GRK3: variants seen among roughly 807,000 people sequenced by gnomAD.
The protein encoded by GRK3 is G protein-coupled receptor kinase 3.
GRK3 carries 54 observed loss-of-function variants against 95.7 expected under a neutral mutation model. The observed-to-expected ratio is 0.56, with a 90% CI of 0.45 to 0.71. GRK3 has a LOEUF of 0.71. Ranked by LOEUF, GRK3 falls within the 30% of genes least tolerant of loss-of-function variation. The pLI is 0.00. For synonymous variants in GRK3, 281 were observed against 290.8 expected, an observed-to-expected ratio of 0.97 and a Z score of 0.34; for missense variants, 649 against 851.2, an observed-to-expected ratio of 0.76 and a Z score of 2.96.
At chr22:25,610,435 C>G (rs549555453) in intron 2 of GRK3, among the ~76,000 whole-genome samples, 1 of 152,236 alleles carries the variant, frequency 6.6e-6, no homozygotes, top group South Asian at 2.1e-4. Flanking sequence ...TCACGGCTGT[C>G]CAGCTTGGGC....
intron 1 of GRK3, among the ~76,000 whole-genome samples, chr22:25,569,087 T>C (rs1469189223): frequency 2.6e-5 from 4 of 152,232 alleles, no homozygotes; most frequent in Admixed American, 6.5e-5. Flanking sequence ...CTCCTCTCCG[T>C]TTAGGCTGTA....
chr22:25,718,243 A>G lies in GRK3; in HGVS notation c.1655-2A>G. The G allele has an allele frequency of 6.2e-7, 1 of 1,612,340 alleles. No homozygotes were observed. Among genetic ancestry groups the G allele is most frequent in the Non-Finnish European group, 8.5e-7 (1 of 1,178,874 alleles). ...AACTCCTAGTGATTTTGTATTCCTC[A>G]GATTACGCTCTGGGGAAGGACTGTA... On this transcript the variant is annotated splice_acceptor_variant, in intron 18 of 20. Coordinates refer to ENST00000324198, the MANE Select transcript of GRK3 (RefSeq NM_005160.4). LOFTEE classifies it high-confidence loss of function.
At chr22:25,641,683 C>G (rs1040973326) in intron 2 of GRK3, among the ~76,000 whole-genome samples, 1 of 152,146 alleles carries the variant, frequency 6.6e-6, no homozygotes, top group African/African-American at 2.4e-5. Flanking sequence ...AGCTAGTGAG[C>G]TGTTCATTTA....
At chr22:25,689,151 T>TG (rs1224673494) in intron 11 of GRK3, among the ~76,000 whole-genome samples, 5 of 152,188 alleles carry the variant, frequency 3.3e-5, no homozygotes, top group African/African-American at 1.2e-4. Flanking sequence ...TATTATTCTC[T>TG]TAGTTTTCCT....
chr22:25,696,645 G>C (rs543466476), intron 13 of GRK3, among the ~76,000 whole-genome samples: 5 of 152,230 alleles, frequency 3.3e-5, no homozygotes, highest in African/African-American at 1.2e-4. Context: ...CTTTCCATCG[G>C]AGAGCCTAAC....
At chr22:25,647,460 G>T in intron 3 of GRK3, 1 of 1,322,422 alleles carries the variant, frequency 7.6e-7, no homozygotes, top group Non-Finnish European at 1.1e-6. Context: ...GGATCCTCAG[G>T]GGTAACACCT....
intron 13 of GRK3, among the ~76,000 whole-genome samples, chr22:25,699,634 A>G (rs1405387549): frequency 6.6e-6 from 1 of 151,786 alleles, no homozygotes; most frequent in Non-Finnish European, 1.5e-5. Context: ...ACAGCTGTGC[A>G]GTGAGGTGGA....
intron 17 of GRK3, among the ~76,000 whole-genome samples, chr22:25,713,999 T>G (rs2085363745): frequency 6.6e-6 from 1 of 152,218 alleles, no homozygotes. Context: ...CTTATAACTG[T>G]TTCTGAAACT....
At chr22:25,705,918 C>G (rs1158385723) in intron 15 of GRK3, among the ~76,000 whole-genome samples, 1 of 152,188 alleles carries the variant, frequency 6.6e-6, no homozygotes, top group Non-Finnish European at 1.5e-5. Flanking sequence ...GGTCATGGAG[C>G]TAGGTTACCA....
intron 13 of GRK3, chr22:25,702,784 C>G: frequency 2.2e-6 from 1 of 455,912 alleles, no homozygotes; most frequent in Non-Finnish European, 4.4e-6. Flanking sequence ...ATAGATGTCA[C>G]TTTAGTTTTT....
chr22:25,727,943 A>G lies in GRK3; in HGVS notation c.*5493A>G, dbSNP rs970192759. On this transcript the variant is annotated 3_prime_UTR_variant, in exon 21 of 21. Coordinates refer to ENST00000324198, the MANE Select transcript of GRK3 (RefSeq NM_005160.4). ...ATTTTTCTATGTTTAATTATAATAG[A>G]TCTGGCTTTTTCTGGATAGCATAAA... 18 of 152,150 alleles carry G rather than the reference A, an allele frequency of 1.2e-4. No individual in the cohort carries two copies. Among genetic ancestry groups the G allele is most frequent in the Admixed American group, 3.3e-4 (5 of 15,264 alleles). 9.4% of individuals were successfully genotyped at this position (152,150 alleles called of 1,614,324 possible). A position where few individuals can be genotyped will look rare whatever the true frequency, so the allele number is the denominator to read the frequency against.
At chr22:25,570,309 AC>A (rs1228903679) in intron 1 of GRK3, among the ~76,000 whole-genome samples, 2 of 151,938 alleles carry the variant, frequency 1.3e-5, no homozygotes, top group Non-Finnish European at 2.9e-5. Context: ...ACACCATCTC[AC>A]CCCCCAAGGC....
chr22:25,676,824 C>A (rs372598960), intron 8 of GRK3, among the ~76,000 whole-genome samples: 60 of 152,196 alleles, frequency 3.9e-4, no homozygotes, highest in African/African-American at 1.4e-3. Flanking sequence ...TTCTCAGGAG[C>A]CATATAGCTA....
intron 18 of GRK3, among the ~76,000 whole-genome samples, chr22:25,715,436 A>C (rs2085376396): frequency 6.6e-6 from 1 of 152,110 alleles, no homozygotes; most frequent in Admixed American, 6.5e-5. Context: ...ACTTGAGACC[A>C]GGAGGTCGTC....
chr22:25,648,435 C>T (rs915807853), intron 3 of GRK3: 11 of 1,280,202 alleles, frequency 8.6e-6, no homozygotes, highest in South Asian at 1.2e-5. Flanking sequence ...ATAATCTTTG[C>T]GACTAGAGGT....
intron 18 of GRK3, among the ~76,000 whole-genome samples, chr22:25,717,781 C>T (rs887835313): frequency 8.6e-5 from 13 of 151,960 alleles, no homozygotes; most frequent in African/African-American, 2.9e-4. Context: ...CATTTTTGAT[C>T]CTTATGTTAC....
intron 3 of GRK3, chr22:25,647,698 T>A: frequency 7.4e-7 from 1 of 1,360,278 alleles, no homozygotes; most frequent in Non-Finnish European, 1.1e-6. Flanking sequence ...CCTGAGCAGT[T>A]ATGTAGCGCC....
intron 19 of GRK3, among the ~76,000 whole-genome samples, 161 bp from the exon 20 acceptor site, chr22:25,721,123 G>T (rs1412939225): frequency 2.0e-5 from 3 of 152,084 alleles, no homozygotes; most frequent in Non-Finnish European, 4.4e-5. Context: ...TTTTGTTTGT[G>T]TTCCTTTATA....
At chr22:25,655,021 C>T (rs2084860037) in intron 3 of GRK3, among the ~76,000 whole-genome samples, 1 of 152,162 alleles carries the variant, frequency 6.6e-6, no homozygotes, top group South Asian at 2.1e-4. Flanking sequence ...AGCCTTTACA[C>T]TTTGAAGTTA....
Sources: gnomAD v4.1 joint callset for allele counts (sites outside exome capture counted in the v4.1 genomes callset) on GRCh38, gnomAD v4.1.1 for gene constraint, MANE v1.5 for transcripts, NCBI Gene and HGNC (gene_info 2026-07-23, HGNC 2026-07-21) for gene names.